The following LRTM3 variants were observed in gnomAD, a reference collection of about 807,000 sequenced individuals.
LRTM3 encodes leucine rich repeat transmembrane protein 3, also known as leucine-rich repeat transmembrane protein 3.
At chr13:102,743,841 A>G in the LRTM3 span, 3 of 1,550,326 alleles carry the variant, frequency 1.9e-6, no homozygotes, top group Admixed American at 2.0e-5. Context: ...TCTTTTTCTG[A>G]TAACTGTGCT....
At chr13:102,745,233 C>T in the LRTM3 span, 48 of 1,550,636 alleles carry the variant, frequency 3.1e-5, no homozygotes, top group Non-Finnish European at 3.9e-5. Flanking sequence ...TTTAACAATG[C>T]CTCCTGTTTC....
At chr13:102,729,401 T>C in the LRTM3 span, 6 of 1,345,664 alleles carry the variant, frequency 4.5e-6, no homozygotes, top group African/African-American at 8.8e-5. Flanking sequence ...TCACAGAATA[T>C]CACAATAGCG....
the LRTM3 span, chr13:102,739,889 C>G: frequency 5.2e-6 from 8 of 1,550,128 alleles, no homozygotes; most frequent in Non-Finnish European, 7.0e-6. Context: ...TGTCATGTTC[C>G]ACTGCATTTC....
the LRTM3 span, chr13:102,758,433 A>C: frequency 1.3e-6 from 2 of 1,535,258 alleles, no homozygotes; most frequent in Non-Finnish European, 1.8e-6. Flanking sequence ...ATGAATTAAT[A>C]ACTGACCAAT....
chr13:102,734,062 T>G, the LRTM3 span: 2 of 1,551,364 alleles, frequency 1.3e-6, no homozygotes, highest in Non-Finnish European at 1.7e-6. Context: ...GAACCACACA[T>G]GCTTCATCTT....
At chr13:102,744,829 T>G in the LRTM3 span, 4 of 1,550,894 alleles carry the variant, frequency 2.6e-6, no homozygotes, top group Non-Finnish European at 3.5e-6. Flanking sequence ...CCCCACCATG[T>G]GGTGATTTCT....
the LRTM3 span, chr13:102,746,472 C>T: frequency 6.4e-7 from 1 of 1,550,954 alleles, no homozygotes; most frequent in Non-Finnish European, 8.7e-7. Flanking sequence ...TTTAGACATT[C>T]AGGTACCAAT....
the LRTM3 span, among the ~76,000 whole-genome samples, chr13:102,751,858 C>T: frequency 2.4e-4 from 37 of 152,212 alleles, no homozygotes; most frequent in East Asian, 4.1e-3. Context: ...ATCCTCTTGA[C>T]CAAGGGGACC....
chr13:102,741,429 T>A, the LRTM3 span: 1 of 1,550,276 alleles, frequency 6.5e-7, no homozygotes, highest in Non-Finnish European at 8.7e-7. Flanking sequence ...TCTGAATTTG[T>A]ACAAAGAAAT....
the LRTM3 span, chr13:102,740,880 A>C: frequency 6.5e-7 from 1 of 1,550,044 alleles, no homozygotes; most frequent in Admixed American, 2.0e-5. Flanking sequence ...TCCATTAAAG[A>C]GTGAGAAACA....
the LRTM3 span, chr13:102,741,368 T>A: frequency 6.5e-7 from 1 of 1,549,412 alleles, no homozygotes; most frequent in Non-Finnish European, 8.7e-7. Context: ...TTCGGGAACA[T>A]GATCTGGATT....
the LRTM3 span, among the ~76,000 whole-genome samples, chr13:102,751,258 CT>C: frequency 2.6e-5 from 4 of 151,944 alleles, no homozygotes; most frequent in African/African-American, 9.7e-5. Flanking sequence ...AGCCTTTTGA[CT>C]TAAACTGCAC....
the LRTM3 span, chr13:102,747,562 A>G: frequency 5.2e-6 from 8 of 1,551,062 alleles, no homozygotes; most frequent in East Asian, 1.7e-4. Flanking sequence ...ATCTTTTTAC[A>G]TCTTCCTTTT....
the LRTM3 span, chr13:102,730,395 A>C: frequency 1.3e-6 from 2 of 1,550,826 alleles, no homozygotes; most frequent in African/African-American, 2.7e-5. Context: ...ATATCAACAA[A>C]ATCTTCAGAA....
the LRTM3 span, chr13:102,732,953 T>A: frequency 6.4e-7 from 1 of 1,551,338 alleles, no homozygotes; most frequent in Non-Finnish European, 8.7e-7. Context: ...CGGAAGAAAT[T>A]CCAGAACACC....
chr13:102,743,007 C>T, the LRTM3 span: 6 of 1,545,134 alleles, frequency 3.9e-6, no homozygotes, highest in Non-Finnish European at 5.2e-6. Flanking sequence ...TCTGAATTCC[C>T]TTTGTAAATC....
the LRTM3 span, chr13:102,758,633 A>T: frequency 6.6e-7 from 1 of 1,515,306 alleles, no homozygotes; most frequent in African/African-American, 1.4e-5. Flanking sequence ...AAATTCAAAA[A>T]TTTTACAAAT....
chr13:102,745,391 T>C, the LRTM3 span: 2 of 1,550,726 alleles, frequency 1.3e-6, no homozygotes, highest in Non-Finnish European at 1.7e-6. Context: ...TACCTTGCTA[T>C]ACTTGTTAAT....
the LRTM3 span, chr13:102,739,115 G>A: frequency 1.9e-6 from 3 of 1,550,310 alleles, no homozygotes; most frequent in South Asian, 2.4e-5. Context: ...CAAGTGAGGT[G>A]GAGAAAGAAT....
Sources: gnomAD v4.1 joint callset for allele counts (sites outside exome capture counted in the v4.1 genomes callset) on GRCh38, gnomAD v4.1.1 for gene constraint, MANE v1.5 for transcripts, NCBI Gene and HGNC (gene_info 2026-07-23, HGNC 2026-07-21) for gene names.